FGF12: variants seen among roughly 807,000 people sequenced by gnomAD.
FGF12 encodes fibroblast growth factor 12B.
Under a neutral mutation model 23.6 loss-of-function variants are expected in FGF12, and 14 were observed. The observed-to-expected ratio is 0.59, with a 90% CI of 0.39 to 0.93. The LOEUF (loss-of-function observed/expected upper bound fraction) is 0.93, where lower values mean the gene tolerates loss of function less well. FGF12 is among the 40% of genes least tolerant of loss of function. FGF12 has a pLI of 0.00. For synonymous variants in FGF12, 62 were observed against 77.3 expected (o/e 0.80, Z 1.04); for missense variants, 175 against 217.8 (o/e 0.80, Z 1.24).
At chr3:192,158,344 T>TTCTC (rs544876570) in intron 5 of FGF12, among the ~76,000 whole-genome samples, 2 of 93,544 alleles carry the variant, frequency 2.1e-5, no homozygotes, top group African/African-American at 8.4e-5. Flanking sequence ...CTTTCTTTCT[T>TTCTC]TCTTTCTTTC....
chr3:192,650,789 C>T (rs1047945606), intron 2 of FGF12, among the ~76,000 whole-genome samples: 3 of 152,028 alleles, frequency 2.0e-5, no homozygotes, highest in African/African-American at 7.2e-5. Context: ...TAAAATAATG[C>T]CACATATTAA....
At chr3:192,304,955 C>T (rs143699746) in intron 4 of FGF12, among the ~76,000 whole-genome samples, 1 of 151,738 alleles carries the variant, frequency 6.6e-6, no homozygotes, top group East Asian at 1.9e-4. Context: ...GTAGTACATG[C>T]TTAACAAATA....
chr3:192,446,688 C>A (rs898053356), intron 2 of FGF12, among the ~76,000 whole-genome samples: 1 of 151,944 alleles, frequency 6.6e-6, no homozygotes, highest in Non-Finnish European at 1.5e-5. Context: ...CAGCACCAGC[C>A]GTCAGACCAC....
At chr3:192,679,699 G>A (rs1205643487) in intron 2 of FGF12, among the ~76,000 whole-genome samples, 4 of 151,652 alleles carry the variant, frequency 2.6e-5, no homozygotes, top group African/African-American at 7.3e-5. Context: ...CCCAGATCCC[G>A]TCCACCACTG....
intron 2 of FGF12, among the ~76,000 whole-genome samples, chr3:192,496,798 C>T (rs554803433): frequency 7.2e-5 from 11 of 152,328 alleles, no homozygotes; most frequent in African/African-American, 2.6e-4. Context: ...TTCCTTTCTG[C>T]CACTTTGTTC....
chr3:192,497,389 C>T lies in FGF12; in HGVS notation c.14-136851G>A, dbSNP rs542381009. ...TATTCCAAACCTCCCACCAGAAATG[C>T]TGAATAGCCTACTAAATGGTCTCCC... On this transcript the variant is annotated intron_variant, in intron 2 of 5. Transcript: ENST00000445105. Among the ~76,000 whole-genome samples, 11 of 152,314 alleles carry T rather than the reference C, an allele frequency of 7.2e-5. No individual in the cohort carries two copies. The East Asian group carries it at 1.2e-3, about 16-fold the overall frequency.
At chr3:192,272,356 T>A (rs911055520) in intron 4 of FGF12, among the ~76,000 whole-genome samples, 1 of 152,158 alleles carries the variant, frequency 6.6e-6, no homozygotes, top group African/African-American at 2.4e-5. Flanking sequence ...ATTTTCATAT[T>A]ATCTGATTTT....
chr3:192,167,163 C>CAAAAA (rs35097529), intron 5 of FGF12, among the ~76,000 whole-genome samples: 1 of 108,072 alleles, frequency 9.3e-6, no homozygotes, highest in Non-Finnish European at 1.9e-5. Context: ...ATATGGCTAT[C>CAAAAA]AAAAAAAAAA....
intron 4 of FGF12, among the ~76,000 whole-genome samples, chr3:192,320,065 G>C (rs145208604): frequency 6.6e-6 from 1 of 152,218 alleles, no homozygotes; most frequent in Non-Finnish European, 1.5e-5. Context: ...TGCCTGCATA[G>C]ATTTCAAAAC....
intron 3 of FGF12, among the ~76,000 whole-genome samples, chr3:192,340,147 T>G (rs1717623104): frequency 6.6e-6 from 1 of 152,004 alleles, no homozygotes; most frequent in African/African-American, 2.4e-5. Flanking sequence ...CTGCTTGGAA[T>G]GTCACTCTCC....
Position 192,475,968 on chromosome 3 carries a change from G to C in FGF12, c.14-115430C>G, listed in dbSNP as rs147206291. Among the ~76,000 whole-genome samples the C allele has an allele frequency of 2.2e-3, 337 of 150,172 alleles. 2 individuals are homozygous for C. The highest frequency in any genetic ancestry group is 8.0e-3 in the African/African-American group (318 of 39,564). The stretch of plus-strand genomic sequence containing the variant: ...ATAGATAGATAGATAATGATAGGCA[G>C]ATATATAAAATATTTCTGAAAAATA... On this transcript the variant is annotated intron_variant, in intron 2 of 5. Transcript: ENST00000445105.
intron 2 of FGF12, among the ~76,000 whole-genome samples, chr3:192,361,169 CAAAAA>C (rs10651290): frequency 1.9e-4 from 19 of 98,768 alleles, no homozygotes; most frequent in African/African-American, 6.1e-4. Flanking sequence ...TTCTCCAGTA[CAAAAA>C]AAAAAAAAAA....
At chr3:192,573,958 C>A (rs1712766138) in intron 2 of FGF12, among the ~76,000 whole-genome samples, 2 of 152,214 alleles carry the variant, frequency 1.3e-5, no homozygotes, top group Admixed American at 6.5e-5. Flanking sequence ...CCTTTCCCAG[C>A]CTCTTTTACC....
chr3:192,286,010 T>G (rs184068073), intron 4 of FGF12, among the ~76,000 whole-genome samples: 9 of 152,142 alleles, frequency 5.9e-5, no homozygotes, highest in Admixed American at 5.2e-4. Context: ...TTTATCAAAC[T>G]TAGTCATATA....
chr3:192,337,486 C>T (rs991837974), intron 3 of FGF12, among the ~76,000 whole-genome samples: 4 of 152,034 alleles, frequency 2.6e-5, no homozygotes, highest in African/African-American at 4.8e-5. Flanking sequence ...GATAAATAAC[C>T]GAGTCTGTCA....
chr3:192,501,474 C>T (rs1395850157), intron 2 of FGF12, among the ~76,000 whole-genome samples: 1 of 152,156 alleles, frequency 6.6e-6, no homozygotes, highest in Non-Finnish European at 1.5e-5. Context: ...AACTCTACTT[C>T]CAGTTGAAGT....
chr3:192,517,939 A>C (rs971066218), intron 2 of FGF12, among the ~76,000 whole-genome samples: 3 of 152,122 alleles, frequency 2.0e-5, no homozygotes. Context: ...TCATTTTTAC[A>C]TGTATCATAA....
intron 4 of FGF12, among the ~76,000 whole-genome samples, chr3:192,309,181 T>C (rs181843246): frequency 3.3e-5 from 5 of 152,172 alleles, no homozygotes; most frequent in Admixed American, 2.0e-4. Context: ...GAGAATAAAA[T>C]GAAGAGCACA....
intron 2 of FGF12, among the ~76,000 whole-genome samples, chr3:192,526,739 G>A (rs1347521898): frequency 6.6e-6 from 1 of 152,198 alleles, no homozygotes; most frequent in Non-Finnish European, 1.5e-5. Context: ...CTTTACCCGA[G>A]TTGCAGAATA....
Sources: gnomAD v4.1 joint callset for allele counts (sites outside exome capture counted in the v4.1 genomes callset) on GRCh38, gnomAD v4.1.1 for gene constraint, MANE v1.5 for transcripts, NCBI Gene and HGNC (gene_info 2026-07-23, HGNC 2026-07-21) for gene names.